EDIL3: variants seen among roughly 807,000 people sequenced by gnomAD.
EDIL3 encodes the protein EGF like and discoidin domains 3, also known as EGF-like repeat and discoidin I-like domain-containing protein 3.
In EDIL3, 37 loss-of-function variants were observed where a neutral mutation model predicts 67.4. That is an observed-to-expected ratio of 0.55 (90% CI 0.42 to 0.72). The LOEUF (loss-of-function observed/expected upper bound fraction) is 0.72. Among genes scored for constraint, EDIL3 ranks in the 30% least tolerant of loss-of-function variants. The pLI, the probability that EDIL3 is intolerant of heterozygous loss-of-function variation, is 0.00. For missense variants in EDIL3, 527 were observed against 586.3 expected (o/e 0.90, Z 1.04); for synonymous variants, 195 against 196.3 (o/e 0.99, Z 0.05).
At chr5:84,108,963 T>C (rs996976994) in intron 5 of EDIL3, among the ~76,000 whole-genome samples, 2 of 152,176 alleles carry the variant, frequency 1.3e-5, no homozygotes, top group Non-Finnish European at 2.9e-5. Flanking sequence ...TTCACAGAAT[T>C]TGTAACTATT....
intron 4 of EDIL3, among the ~76,000 whole-genome samples, chr5:84,146,535 T>C (rs1748292431): frequency 6.6e-6 from 1 of 152,134 alleles, no homozygotes; most frequent in Admixed American, 6.6e-5. Context: ...ATTTCTCCTC[T>C]AGGTTAAAGA....
chr5:84,346,225 C>G (rs1747237989), intron 1 of EDIL3, among the ~76,000 whole-genome samples: 1 of 146,752 alleles, frequency 6.8e-6, no homozygotes, highest in Non-Finnish European at 1.5e-5. Context: ...CTCACTGCAA[C>G]CTCCGCCTCC....
At chr5:84,347,168 T>G (rs759383489) in intron 1 of EDIL3, among the ~76,000 whole-genome samples, 11 of 152,168 alleles carry the variant, frequency 7.2e-5, no homozygotes, top group Non-Finnish European at 1.5e-4. Flanking sequence ...GTCCACATGT[T>G]CTGTCCTAGG....
Position 84,001,753 on chromosome 5 carries a change from T to C in EDIL3, c.1138-38393A>G, listed in dbSNP as rs75452329. On this transcript the variant is annotated intron_variant, in intron 9 of 10. Coordinates refer to ENST00000296591, the MANE Select transcript of EDIL3 (RefSeq NM_005711.5). The stretch of plus-strand genomic sequence containing the variant: ...ACCATGAAGAAATCCAAAACCTGAA[T>C]AGATTGAAGCCATAATAAAAAAATC... Among the ~76,000 whole-genome samples, 668 of 152,168 alleles carry C rather than the reference T, an allele frequency of 4.4e-3. 8 individuals carry two copies. The highest frequency in any genetic ancestry group is 0.016 in the African/African-American group (646 of 41,548).
intron 1 of EDIL3, among the ~76,000 whole-genome samples, chr5:84,332,573 C>T (rs1580083163): frequency 6.6e-6 from 1 of 152,228 alleles, no homozygotes; most frequent in East Asian, 1.9e-4. Flanking sequence ...ATGCAGAAGA[C>T]ATGTCAGGAT....
At chr5:84,019,572 A>C (rs1031034200) in intron 9 of EDIL3, among the ~76,000 whole-genome samples, 13 of 152,068 alleles carry the variant, frequency 8.5e-5, no homozygotes, top group Non-Finnish European at 1.8e-4. Context: ...TAAAAATAAC[A>C]ACCACAGAAA....
chr5:84,277,840 T>C (rs931925978), intron 1 of EDIL3, among the ~76,000 whole-genome samples: 8 of 152,108 alleles, frequency 5.3e-5, no homozygotes, highest in Non-Finnish European at 1.0e-4. Context: ...AATAAACCCC[T>C]TTTTTTGAAA....
intron 1 of EDIL3, among the ~76,000 whole-genome samples, chr5:84,378,376 C>A (rs1205339679): frequency 3.3e-5 from 5 of 152,140 alleles, no homozygotes; most frequent in Admixed American, 3.3e-4. Flanking sequence ...TTACCACTCC[C>A]CACCCCAAAC....
chr5:84,299,230 A>G (rs112547217), intron 1 of EDIL3, among the ~76,000 whole-genome samples: 137 of 152,196 alleles, frequency 9.0e-4, no homozygotes, highest in African/African-American at 3.2e-3. Context: ...TGGTATATAC[A>G]CATTTTTTAA....
intron 2 of EDIL3, among the ~76,000 whole-genome samples, chr5:84,232,057 A>T (rs2112045872): frequency 6.6e-6 from 1 of 152,298 alleles, no homozygotes; most frequent in African/African-American, 2.4e-5. Flanking sequence ...TGTCAGTGTG[A>T]CTTTAAAACT....
intron 9 of EDIL3, among the ~76,000 whole-genome samples, chr5:83,974,782 G>A (rs1167140624): frequency 6.6e-6 from 1 of 151,840 alleles, no homozygotes; most frequent in Admixed American, 6.6e-5. Flanking sequence ...TATTTATTGT[G>A]TATATATATC....
chr5:84,089,975 T>A (rs1429135902), intron 6 of EDIL3, among the ~76,000 whole-genome samples: 2 of 152,206 alleles, frequency 1.3e-5, no homozygotes, highest in Non-Finnish European at 2.9e-5. Context: ...AGAAAACAAG[T>A]ATTTCTTAAG....
In EDIL3 at chr5:83,943,193, G is replaced by A; in HGVS notation, c.*226C>T. ...GAGAGAAAAGTAATTCACACTTAAT[G>A]TGTTGTTACTTAAGAGATTTGACGG... On this transcript the variant is annotated 3_prime_UTR_variant, in exon 11 of 11. Coordinates refer to ENST00000296591, the MANE Select transcript of EDIL3 (RefSeq NM_005711.5). The A allele has an allele frequency of 5.9e-6, 3 of 506,452 alleles. No individual in the cohort carries two copies. The South Asian group carries it at 7.1e-5, about 12-fold the overall frequency. The allele number at this position is 506,452 out of a possible 1,614,324, so 31.4% of individuals were successfully genotyped here.
chr5:84,240,654 T>G (rs376720624), intron 2 of EDIL3, among the ~76,000 whole-genome samples: 7 of 152,200 alleles, frequency 4.6e-5, no homozygotes, highest in African/African-American at 1.7e-4. Context: ...AACAGTTTCA[T>G]CCTGAAACTA....
At chr5:83,953,452 T>C (rs1744454087) in intron 10 of EDIL3, among the ~76,000 whole-genome samples, 1 of 151,800 alleles carries the variant, frequency 6.6e-6, no homozygotes, top group African/African-American at 2.4e-5. Context: ...CTATTACTTA[T>C]GGCTATTGGG....
intron 1 of EDIL3, among the ~76,000 whole-genome samples, chr5:84,285,769 G>A (rs987493423): frequency 3.9e-5 from 6 of 152,182 alleles, no homozygotes; most frequent in Non-Finnish European, 7.3e-5. Context: ...CCATGGATTT[G>A]ATGAAGGGAA....
intron 9 of EDIL3, among the ~76,000 whole-genome samples, chr5:84,021,307 A>G (rs1745709679): frequency 6.6e-6 from 1 of 151,818 alleles, no homozygotes; most frequent in African/African-American, 2.4e-5. Flanking sequence ...GTGGTACAAC[A>G]TTAGATTGTT....
rs375561294 is a variant in EDIL3, at chr5:84,102,511, A to G, written c.651+4138T>C. On this transcript the variant is annotated intron_variant, in intron 6 of 10. Transcript: ENST00000296591. ...AACACCTTCAGCAAAGTCTCAAGGT[A>G]AAAAATCAACATACAAAAATTACTG... Among the ~76,000 whole-genome samples the G allele has an allele frequency of 3.3e-5, 5 of 152,138 alleles. No individual in the cohort carries two copies. In the East Asian group the frequency reaches 5.8e-4, roughly 18 times the overall value.
chr5:84,294,384 CAAAAAAAAAAAAA>C (rs1173407354), intron 1 of EDIL3, among the ~76,000 whole-genome samples: 1 of 31,808 alleles, frequency 3.1e-5, no homozygotes, highest in Non-Finnish European at 7.2e-5. Flanking sequence ...GACTCTGTCT[CAAAAAAAAAAAAA>C]AAAAAAAAAA....
Sources: gnomAD v4.1 joint callset for allele counts (sites outside exome capture counted in the v4.1 genomes callset) on GRCh38, gnomAD v4.1.1 for gene constraint, MANE v1.5 for transcripts, NCBI Gene and HGNC (gene_info 2026-07-23, HGNC 2026-07-21) for gene names.